The following RBFOX3 variants were observed in gnomAD, a reference collection of about 807,000 sequenced individuals.
RBFOX3 encodes the protein RNA binding protein fox-1 homolog 3.
In RBFOX3, 17 loss-of-function variants were observed where a neutral mutation model predicts 48.7. The ratio of observed to expected loss-of-function variants is 0.35; its 90% CI spans 0.24 to 0.52. The LOEUF (loss-of-function observed/expected upper bound fraction) is 0.52. Among genes scored for constraint, RBFOX3 ranks in the 20% least tolerant of loss-of-function variants. The pLI is 0.94. For synonymous variants in RBFOX3, 212 were observed against 209.5 expected (o/e 1.01, Z -0.10); for missense variants, 382 against 497.5 (o/e 0.77, Z 2.21).
At chr17:79,300,767 G>A (rs993088048) in intron 3 of RBFOX3, among the ~76,000 whole-genome samples, 3 of 152,214 alleles carry the variant, frequency 2.0e-5, no homozygotes, top group African/African-American at 7.2e-5. Context: ...ACACCCAGAC[G>A]TGACCCTGTG....
At chr17:79,322,441 G>A (rs35928575) in intron 2 of RBFOX3, among the ~76,000 whole-genome samples, 2,533 of 152,304 alleles carry the variant, frequency 0.017, 36 homozygotes, top group Middle Eastern at 0.041. Flanking sequence ...CACCAAGCAC[G>A]CCCTGAGTAG....
intron 4 of RBFOX3, among the ~76,000 whole-genome samples, chr17:79,118,867 T>C (rs2034871909): frequency 6.7e-6 from 1 of 148,886 alleles, no homozygotes; most frequent in Non-Finnish European, 1.5e-5. Context: ...GTCCCAGTAA[T>C]GTGGGAGGCT....
chr17:79,663,737 A>T, the RBFOX3 span, among the ~76,000 whole-genome samples: 2 of 150,460 alleles, frequency 1.3e-5, no homozygotes, highest in African/African-American at 4.9e-5. Context: ...GACACAGTTC[A>T]TATTAAATTG....
intron 4 of RBFOX3, chr17:79,136,038 C>A (rs2040106282): frequency 6.6e-6 from 1 of 152,298 alleles, no homozygotes; most frequent in African/African-American, 2.4e-5. Flanking sequence ...GCCTGGGTCT[C>A]CCTCCTGTAC....
chr17:79,549,688 G>A (rs573520742), intron 1 of RBFOX3, among the ~76,000 whole-genome samples: 1 of 152,260 alleles, frequency 6.6e-6, no homozygotes, highest in South Asian at 2.1e-4. Context: ...GGAAGGCACA[G>A]CAGGTGCTGC....
chr17:79,650,201 G>A, the RBFOX3 span, among the ~76,000 whole-genome samples: 1 of 152,124 alleles, frequency 6.6e-6, no homozygotes, highest in Non-Finnish European at 1.5e-5. Context: ...ACTAAACTGG[G>A]GGGATTCGAT....
In RBFOX3 at chr17:79,249,933, G is replaced by A. The variant is rs918941503; in HGVS notation, c.-73-14128C>T. 2.0e-5 allele frequency among the ~76,000 whole-genome samples: 3 copies of A among 152,106 alleles called. No homozygotes were observed. Among genetic ancestry groups the A allele is most frequent in the Non-Finnish European group, 4.4e-5 (3 of 68,034 alleles). ...GATCCCCACCAGCCTCACCATCCTA[G>A]CTGCACCTGCCGGCATCCCTGGCAT... On this transcript the variant is annotated intron_variant, in intron 3 of 14. Transcript: ENST00000693108. This position sits in a 1 kb window ranked among gnomAD's most constrained non-coding sequence, Gnocchi z 4.1.
chr17:79,265,403 T>C (rs2066529039), intron 3 of RBFOX3, among the ~76,000 whole-genome samples: 1 of 152,194 alleles, frequency 6.6e-6, no homozygotes, highest in South Asian at 2.1e-4. Context: ...CACTGTCCTC[T>C]CTCTTGCTTT....
intron 1 of RBFOX3, among the ~76,000 whole-genome samples, chr17:79,546,545 C>G (rs2090457493): frequency 7.0e-6 from 1 of 142,496 alleles, no homozygotes. Flanking sequence ...TTCCCAATGG[C>G]CTGTCTGTAG....
At chr17:79,542,435 A>G (rs7216806) in intron 1 of RBFOX3, among the ~76,000 whole-genome samples, 47,495 of 152,152 alleles carry the variant, frequency 0.31, 8,750 homozygotes, top group East Asian at 0.52. Context: ...CCAATGAATC[A>G]GCGAAGAAGC....
intron 2 of RBFOX3, among the ~76,000 whole-genome samples, chr17:79,344,218 T>G (rs1396336708): frequency 6.6e-6 from 1 of 151,800 alleles, no homozygotes; most frequent in Non-Finnish European, 1.5e-5. Context: ...CTTTAAGGAG[T>G]CAAGACCTAA....
the RBFOX3 span, among the ~76,000 whole-genome samples, chr17:79,631,772 G>T: frequency 6.6e-6 from 1 of 152,186 alleles, no homozygotes; most frequent in Non-Finnish European, 1.5e-5. Flanking sequence ...CATCTTCACG[G>T]GCCTAGCTCC....
chr17:79,302,142 T>C (rs1461303823), intron 3 of RBFOX3, among the ~76,000 whole-genome samples: 4 of 152,208 alleles, frequency 2.6e-5, no homozygotes, highest in Non-Finnish European at 5.9e-5. Flanking sequence ...GAAAAACAAA[T>C]GTGAACAGAC....
intron 5 of RBFOX3, among the ~76,000 whole-genome samples, chr17:79,112,799 G>A (rs1453521783): frequency 2.6e-5 from 4 of 151,934 alleles, no homozygotes; most frequent in Non-Finnish European, 5.9e-5. Context: ...GTCCCCTTGG[G>A]CGAGAGGGCG....
intron 1 of RBFOX3, among the ~76,000 whole-genome samples, chr17:79,519,972 G>A (rs934171208): frequency 1.6e-4 from 24 of 152,166 alleles, no homozygotes; most frequent in African/African-American, 5.3e-4. Flanking sequence ...CTGTCACCTC[G>A]AGGATGGTGG....
chr17:79,219,790 G>A (rs763750204), intron 4 of RBFOX3, among the ~76,000 whole-genome samples: 24 of 152,190 alleles, frequency 1.6e-4, no homozygotes, highest in Admixed American at 4.6e-4. Flanking sequence ...TTTGGGAAGC[G>A]GGAGGAGTAA....
At chr17:79,552,505 G>T (rs2143680026) in intron 1 of RBFOX3, among the ~76,000 whole-genome samples, 1 of 152,192 alleles carries the variant, frequency 6.6e-6, no homozygotes, top group Non-Finnish European at 1.5e-5. Flanking sequence ...TTCCCACCTA[G>T]AATGCAAGCT....
chr17:79,491,317 C>T (rs1353358161), intron 1 of RBFOX3, among the ~76,000 whole-genome samples: 1 of 151,672 alleles, frequency 6.6e-6, no homozygotes, highest in African/African-American at 2.4e-5. Context: ...AGTTAGAAAC[C>T]AGATCAGGAA....
intron 4 of RBFOX3, among the ~76,000 whole-genome samples, chr17:79,145,656 G>A (rs1042184116): frequency 2.0e-5 from 3 of 152,238 alleles, no homozygotes; most frequent in Non-Finnish European, 4.4e-5. Context: ...GAGGAAATGG[G>A]GCATTCGCCG....
Sources: allele counts gnomAD v4.1 joint callset (sites outside exome capture counted in the v4.1 genomes callset), GRCh38; gene constraint gnomAD v4.1.1; non-coding constraint Gnocchi (gnomAD v3.1); transcripts MANE v1.5; gene names NCBI Gene and HGNC (gene_info 2026-07-23, HGNC 2026-07-21).